KIF13A: variants seen among roughly 807,000 people sequenced by gnomAD.
KIF13A encodes the protein kinesin family member 13A, also known as kinesin-like protein KIF13A.
KIF13A carries 79 observed loss-of-function variants against 212.2 expected under a neutral mutation model. That is an observed-to-expected ratio of 0.37 (90% confidence interval 0.31 to 0.45). The LOEUF is 0.45. Among genes scored for constraint, KIF13A ranks in the 20% least tolerant of loss-of-function variants. The pLI is 1.00. For missense variants in KIF13A, 1,901 were observed against 2,209.0 expected (o/e 0.86, Z 2.79); for synonymous variants, 789 against 808.6 (o/e 0.98, Z 0.41).
chr6:17,837,606 TA>T lies in KIF13A; in HGVS notation c.831-24del. On this transcript the variant is annotated intron_variant, in intron 9 of 38. Transcript: ENST00000259711. The surrounding 1 kb of genome is among the most constrained non-coding windows in gnomAD (Gnocchi z 5.4). ...GATCTGTCAAGAAAAAATGAAAAAT[TA>T]GTTTTATGGAATGTTTATTTGGTTT... is the stretch of plus-strand genomic sequence containing the variant. 4 of 1,431,108 alleles carry T rather than the reference TA, an allele frequency of 2.8e-6. No homozygotes were observed. Among genetic ancestry groups the T allele is most frequent in the Non-Finnish European group, 3.9e-6 (4 of 1,031,266 alleles). 88.7% of individuals were successfully genotyped at this position (1,431,108 alleles called of 1,614,324 possible). A position where few individuals can be genotyped will look rare whatever the true frequency, so the allele number is the denominator to read the frequency against.
chr6:17,970,377 G>T (rs1230968581), intron 2 of KIF13A, among the ~76,000 whole-genome samples: 2 of 7,522 alleles, frequency 2.7e-4, no homozygotes, highest in Non-Finnish European at 5.7e-4. Flanking sequence ...CAAGGCGGTG[G>T]GGATCACTTG....
At position 17,986,170 on chromosome 6, in the gene KIF13A, C is replaced by A. The variant is rs555389979; in HGVS notation, c.146+884G>T. On this transcript the variant is annotated intron_variant, in intron 2 of 38. Coordinates refer to ENST00000259711, the MANE Select transcript of KIF13A (RefSeq NM_022113.6). The stretch of plus-strand genomic sequence containing the variant: ...TGGAAACACAAACTCATATTCATTT[C>A]CAATGAAAATTAATATTGTAAACTC... Among the ~76,000 whole-genome samples the A allele has an allele frequency of 8.5e-5, 13 of 152,314 alleles. No homozygotes were observed. In the South Asian group the frequency reaches 2.7e-3, roughly 32 times the overall value.
rs1325920837 is a variant in KIF13A, at chr6:17,850,120, C to A, written c.717+203G>T. 2.6e-5 allele frequency among the ~76,000 whole-genome samples: 4 copies of A among 152,138 alleles called. No individual in the cohort carries two copies. The highest frequency in any genetic ancestry group is 9.7e-5 in the African/African-American group (4 of 41,432). On this transcript the variant is annotated intron_variant, in intron 8 of 38. Coordinates refer to ENST00000259711, the MANE Select transcript of KIF13A (RefSeq NM_022113.6). This position sits in a 1 kb window ranked among gnomAD's most constrained non-coding sequence, Gnocchi z 6.2. Reference sequence around the variant, plus strand: ...GGAATTACAGGCAGGAGCCACTGCACCAGGCCAAAATCCAATTTTTTAAAA... The same window carrying A: ...GGAATTACAGGCAGGAGCCACTGCAACAGGCCAAAATCCAATTTTTTAAAA...
At position 17,852,147 on chromosome 6, in the gene KIF13A, T is replaced by A. The variant is rs748383340; in HGVS notation, c.495-105A>T. 5.1e-5 allele frequency: 25 copies of A among 488,042 alleles called. No individual in the cohort carries two copies. The Middle Eastern group carries it at 4.1e-3, about 80-fold the overall frequency. The allele number at this position is 488,042 out of a possible 1,614,324, so 30.2% of individuals were successfully genotyped here. A position where few individuals can be genotyped will look rare whatever the true frequency, so the allele number is the denominator to read the frequency against. On this transcript the variant is annotated intron_variant, in intron 6 of 38. Coordinates refer to ENST00000259711, the MANE Select transcript of KIF13A (RefSeq NM_022113.6). ...AAGATAACAATTTCAAAAGAATTTTTAAATGACTCCTCCCCCCAACAAATC... is the reference window on the plus strand; with the variant it reads ...AAGATAACAATTTCAAAAGAATTTTAAAATGACTCCTCCCCCCAACAAATC...
chr6:17,981,022 G>A lies in KIF13A; in HGVS notation c.146+6032C>T, dbSNP rs556196788. 4.6e-4 allele frequency among the ~76,000 whole-genome samples: 62 copies of A among 135,486 alleles called. 1 individual carries two copies. Among genetic ancestry groups the A allele is most frequent in the African/African-American group, 1.7e-3 (60 of 35,186 alleles). 88.9% of individuals were successfully genotyped at this position (135,486 alleles called of 152,430 possible). A position where few individuals can be genotyped will look rare whatever the true frequency, so the allele number is the denominator to read the frequency against. On this transcript the variant is annotated intron_variant, in intron 2 of 38. Transcript: ENST00000259711. ...CTCTGGGGAAAGAAATGAAGAGGGG[G>A]ACTTTTTTTTTTTTTTTAAACACAG... is the stretch of plus-strand genomic sequence containing the variant.
Position 17,856,004 on chromosome 6 carries a change from T to A in KIF13A, c.313+26A>T. 6.8e-7 allele frequency: 1 copy of A among 1,474,310 alleles called. No homozygotes were observed. Among genetic ancestry groups the A allele is most frequent in the Non-Finnish European group, 9.5e-7 (1 of 1,054,450 alleles). The allele number at this position is 1,474,310 out of a possible 1,614,324, so 91.3% of individuals were successfully genotyped here. On this transcript the variant is annotated intron_variant, in intron 5 of 38. Coordinates refer to ENST00000259711, the MANE Select transcript of KIF13A (RefSeq NM_022113.6). This position sits in a 1 kb window ranked among gnomAD's most constrained non-coding sequence, Gnocchi z 4.5. ...GGGATTATAGGCATGATCCCCCACA[T>A]CTGGTCTATAAAAGCAACTTCTTAC...
intron 22 of KIF13A, among the ~76,000 whole-genome samples, chr6:17,798,788 T>G (rs1762248720): frequency 6.6e-6 from 1 of 152,170 alleles, no homozygotes; most frequent in South Asian, 2.1e-4. Context: ...TATGAGAAAC[T>G]CTATATGAAA....
rs978756348 is a variant in KIF13A at position 17,951,166 on chromosome 6, T to G, written c.146+35888A>C. 1.2e-5 allele frequency: 15 copies of G among 1,238,546 alleles called. No individual in the cohort carries two copies. Among genetic ancestry groups the G allele is most frequent in the Non-Finnish European group, 1.5e-5 (15 of 990,576 alleles). 76.7% of individuals were successfully genotyped at this position (1,238,546 alleles called of 1,614,324 possible). A position where few individuals can be genotyped will look rare whatever the true frequency, so the allele number is the denominator to read the frequency against. On this transcript the variant is annotated intron_variant, in intron 2 of 38. Coordinates refer to ENST00000259711, the MANE Select transcript of KIF13A (RefSeq NM_022113.6). The surrounding 1 kb of genome is among the most constrained non-coding windows in gnomAD (Gnocchi z 4.9). ...ACCTCACGCCACTTTAATTTTTTATTTTTTTGAAGACAGGGTCTGGCTCTG... is the reference window on the plus strand; with the variant it reads ...ACCTCACGCCACTTTAATTTTTTATGTTTTTGAAGACAGGGTCTGGCTCTG...
rs1765143387 is a variant in KIF13A, at chr6:17,828,222, A to T, written c.1532+18T>A. The T allele has an allele frequency of 1.2e-6, 2 of 1,608,100 alleles. No homozygotes were observed. The highest frequency in any genetic ancestry group is 1.7e-6 in the Non-Finnish European group (2 of 1,176,952). ...TAAGGCACACAAGACACGTGAAGTC[A>T]CCATTTACTTTTCTTACCTTGCATT... On this transcript the variant is annotated intron_variant, in intron 14 of 38. Transcript: ENST00000259711. This position sits in a 1 kb window ranked among gnomAD's most constrained non-coding sequence, Gnocchi z 4.3.
In KIF13A at chr6:17,898,148, A is replaced by T. The variant is rs749108780; in HGVS notation, c.159+20T>A. On this transcript the variant is annotated intron_variant, in intron 3 of 38. Transcript: ENST00000259711. This position sits in a 1 kb window ranked among gnomAD's most constrained non-coding sequence, Gnocchi z 5.2. ...GCACACTAAGCCAGTATACATGCCA[A>T]ATTTCATATTAGTGCTTACCTTGGG... 19 of 1,612,298 alleles carry T rather than the reference A, an allele frequency of 1.2e-5. No individual in the cohort carries two copies. Among genetic ancestry groups the T allele is most frequent in the Non-Finnish European group, 1.5e-5 (18 of 1,178,940 alleles).
rs143333055 is a variant in KIF13A, at chr6:17,888,301, G to A, written c.159+9867C>T. On this transcript the variant is annotated intron_variant, in intron 3 of 38. Coordinates refer to ENST00000259711, the MANE Select transcript of KIF13A (RefSeq NM_022113.6). The surrounding 1 kb of genome is among the most constrained non-coding windows in gnomAD (Gnocchi z 4.8). ...AAACGTATAGTGAGAAGGTTATGCT[G>A]TCATTGAGTTCATGCAGCTGCAACA... Among the ~76,000 whole-genome samples, 39 of 152,266 alleles carry A rather than the reference G, an allele frequency of 2.6e-4. No homozygotes were observed. Among genetic ancestry groups the A allele is most frequent in the African/African-American group, 9.2e-4 (38 of 41,524 alleles).
chr6:17,804,533 G>A, intron 19 of KIF13A, 23 bp from the exon 20 acceptor site: 1 of 1,550,168 alleles, frequency 6.5e-7, no homozygotes, highest in East Asian at 2.3e-5. Context: ...AGGGGCCAGT[G>A]AGTGGACGAA....
intron 4 of KIF13A, among the ~76,000 whole-genome samples, chr6:17,857,969 C>T (rs571399854): frequency 1.3e-5 from 2 of 151,898 alleles, no homozygotes; most frequent in Non-Finnish European, 1.5e-5. Flanking sequence ...AAACAATAAA[C>T]CCCCAACACC....
chr6:17,922,998 A>G (rs765645303), intron 2 of KIF13A, among the ~76,000 whole-genome samples: 13 of 151,414 alleles, frequency 8.6e-5, no homozygotes, highest in Non-Finnish European at 1.8e-4. Flanking sequence ...AAGGCCAGGC[A>G]TGGTGGTTCA....
At position 17,794,261 on chromosome 6, in the gene KIF13A, C is replaced by T; in HGVS notation, c.3210G>A (p.Leu1070=). ...TARSTKLQRG[L]DSYQRDDEDG... ...CTGCTTGTCTTACCTGGTAACTGTC[C>T]AGCCCTCTTTGGAGTTTGGTGGACC... Residue 1070 remains leucine (L), a synonymous_variant, in exon 25 of 39, where the codon CTG becomes CTA. Transcript: ENST00000259711. This position sits in a 1 kb window ranked among gnomAD's most constrained non-coding sequence, Gnocchi z 4.1. 6.2e-7 allele frequency: 1 copy of T among 1,612,702 alleles called. No homozygotes were observed. The highest frequency in any genetic ancestry group is 1.1e-5 in the South Asian group (1 of 91,016).
chr6:17,820,955 G>C (rs766231055), intron 16 of KIF13A, among the ~76,000 whole-genome samples: 6 of 152,162 alleles, frequency 3.9e-5, no homozygotes, highest in Non-Finnish European at 7.4e-5. Flanking sequence ...GAGAAAAAAA[G>C]AACTATTTGA....
rs1762756361 is a variant in KIF13A at position 17,804,463 on chromosome 6, T to C, written c.2352A>G (p.Gln784=). ...CCACCCCGATGAGGTTGTGATTTTC[T>C]TGGGCTTCATAGAAAGGGTCACCTC... ...GKRGDPFYEA[Q]ENHNLIGVAN... The change falls in exon 20 of 39, where the codon CAA becomes CAG. Residue 784 remains glutamine (Q), a synonymous_variant. Transcript: ENST00000259711. The C allele has an allele frequency of 1.3e-6, 2 of 1,592,576 alleles. No homozygotes were observed. The highest frequency in any genetic ancestry group is 2.3e-5 in the East Asian group (1 of 44,048).
chr6:17,937,780 C>T (rs1338117351), intron 2 of KIF13A, among the ~76,000 whole-genome samples: 7 of 148,714 alleles, frequency 4.7e-5, no homozygotes, highest in Admixed American at 2.0e-4. Flanking sequence ...GACGGAGTCT[C>T]GCTCTGTCGA....
intron 6 of KIF13A, among the ~76,000 whole-genome samples, chr6:17,852,664 A>T (rs775250335): frequency 2.0e-5 from 3 of 152,142 alleles, no homozygotes; most frequent in Admixed American, 1.3e-4. Flanking sequence ...GCAATCCTCC[A>T]GCCTCAGCCT....
Sources: gnomAD v4.1 joint callset for allele counts (sites outside exome capture counted in the v4.1 genomes callset) on GRCh38, gnomAD v4.1.1 for gene constraint, Gnocchi (gnomAD v3.1) non-coding constraint, MANE v1.5 for transcripts, NCBI Gene and HGNC (gene_info 2026-07-23, HGNC 2026-07-21) for gene names.